The following RAI14 variants were observed in gnomAD, a reference collection of about 807,000 sequenced individuals.
The protein encoded by RAI14 is retinoic acid induced 14, also known as ankycorbin.
A neutral mutation model predicts 115.4 loss-of-function variants in RAI14; 45 were observed. The ratio of observed to expected loss-of-function variants is 0.39; its 90% confidence interval spans 0.31 to 0.50. RAI14 has a LOEUF of 0.50. RAI14 is among the 20% of genes least tolerant of loss of function. The probability of loss-of-function intolerance (pLI) is 0.85; values close to 1 mark genes in which losing one functional copy is unlikely to be tolerated. For synonymous variants in RAI14, 371 were observed against 415.4 expected (o/e 0.89, Z 1.30); for missense variants, 939 against 1,131.2 (o/e 0.83, Z 2.44).
chr5:34,771,371 A>ACGCC (rs1750138239), intron 3 of RAI14, among the ~76,000 whole-genome samples: 1 of 152,200 alleles, frequency 6.6e-6, no homozygotes. Flanking sequence ...ATGGTAACAG[A>ACGCC]CGCCCTGGTG....
intron 2 of RAI14, among the ~76,000 whole-genome samples, chr5:34,710,824 G>A (rs6451162): frequency 0.29 from 43,709 of 152,052 alleles, 7,310 homozygotes; most frequent in African/African-American, 0.48. Context: ...AGACTGTAAA[G>A]TTTCTGACAT....
chr5:34,822,275 A>ATATAT (rs1756937994), intron 14 of RAI14, among the ~76,000 whole-genome samples: 13 of 76,592 alleles, frequency 1.7e-4, no homozygotes, highest in South Asian at 1.3e-3. Flanking sequence ...TATATATATA[A>ATATAT]AATATTATCC....
chr5:34,686,086 A>G (rs10045769), intron 1 of RAI14, among the ~76,000 whole-genome samples: 5,904 of 152,262 alleles, frequency 0.039, 428 homozygotes, highest in African/African-American at 0.14. Context: ...ATAGGGAATG[A>G]GTGGCATCTG....
rs1757585640 is a variant in RAI14, at chr5:34,827,665, AC to A, written c.2799+1187del. Among the ~76,000 whole-genome samples, 1 of 152,190 alleles carries A rather than the reference AC, an allele frequency of 6.6e-6. No individual in the cohort carries two copies. ...GGATACTTAGGAGAAGCTGCTCTTT[AC>A]TGTGTTCTGCAGGTCATTCTTCTCC... On this transcript the variant is annotated intron_variant, in intron 16 of 17. Transcript: ENST00000265109. The surrounding 1 kb of genome is among the most constrained non-coding windows in gnomAD (Gnocchi z 4.2).
rs1491157133 is a variant in RAI14 at position 34,762,928 on chromosome 5, CAT to C, written c.167+5331_167+5332del. 2.6e-3 allele frequency among the ~76,000 whole-genome samples: 255 copies of C among 98,924 alleles called. 2 individuals are homozygous for C. Among genetic ancestry groups the C allele is most frequent in the African/African-American group, 6.3e-3 (167 of 26,404 alleles). 64.9% of individuals were successfully genotyped at this position (98,924 alleles called of 152,430 possible). ...TGTGTGTAGATATAAGGAGTGTGTG[CAT>C]GTGTGTGTGTGTGTGTGTGTGTGTG... On this transcript the variant is annotated intron_variant, in intron 3 of 17. Coordinates refer to ENST00000265109, the MANE Select transcript of RAI14 (RefSeq NM_015577.3).
intron 7 of RAI14, among the ~76,000 whole-genome samples, chr5:34,810,772 C>T (rs1341486345): frequency 6.6e-6 from 1 of 152,056 alleles, no homozygotes; most frequent in Non-Finnish European, 1.5e-5. Flanking sequence ...AGGGCATAAG[C>T]AGCCGCAAGA....
At chr5:34,772,700 G>A (rs1750327810) in intron 3 of RAI14, among the ~76,000 whole-genome samples, 1 of 152,092 alleles carries the variant, frequency 6.6e-6, no homozygotes, top group Non-Finnish European at 1.5e-5. Context: ...CAGCCTCCTG[G>A]CATGCTCCCT....
Position 34,824,285 on chromosome 5 carries a change from G to C in RAI14, c.2443G>C (p.Glu815Gln). 1 of 1,614,204 alleles carries C rather than the reference G, an allele frequency of 6.2e-7. No individual in the cohort carries two copies. Among genetic ancestry groups the C allele is most frequent in the Non-Finnish European group, 8.5e-7 (1 of 1,180,022 alleles). Residue 815 changes from glutamate to glutamine, a missense_variant, in exon 15 of 18, where the codon GAG becomes CAG. Physicochemically the swap from Glu to Gln is conservative, Grantham distance 29. Transcript: ENST00000265109. ...SKLKESVKEK[E>Q]KVHSEVVQIR... ...ATTAAAGGAATCTGTGAAAGAGAAAGAGAAGGTCCATTCAGAGGTTGTCCA... is the reference window on the plus strand; with the variant it reads ...ATTAAAGGAATCTGTGAAAGAGAAACAGAAGGTCCATTCAGAGGTTGTCCA...
intron 3 of RAI14, among the ~76,000 whole-genome samples, chr5:34,766,107 A>C (rs1053128120): frequency 6.4e-4 from 98 of 152,212 alleles, no homozygotes; most frequent in African/African-American, 2.3e-3. Context: ...GCCCAGGCAG[A>C]AGTTTGCTGC....
At chr5:34,669,222 C>T (rs747393272) in intron 1 of RAI14, among the ~76,000 whole-genome samples, 10 of 152,210 alleles carry the variant, frequency 6.6e-5, no homozygotes, top group Admixed American at 2.6e-4. Flanking sequence ...TTTCCTTTTG[C>T]AACTGCTTTT....
chr5:34,660,479 T>C (rs1742606298), intron 1 of RAI14, among the ~76,000 whole-genome samples: 1 of 152,080 alleles, frequency 6.6e-6, no homozygotes, highest in African/African-American at 2.4e-5. Context: ...CATTGTAAAA[T>C]TGAAGCATGA....
chr5:34,659,591 A>G (rs1262401139), intron 1 of RAI14, among the ~76,000 whole-genome samples: 1 of 151,712 alleles, frequency 6.6e-6, no homozygotes, highest in East Asian at 1.9e-4. Context: ...GCTGAGTGAC[A>G]CTCTATTTCC....
At chr5:34,776,740 G>A (rs1750885521) in intron 3 of RAI14, among the ~76,000 whole-genome samples, 1 of 144,210 alleles carries the variant, frequency 6.9e-6, no homozygotes, top group Admixed American at 7.3e-5. Flanking sequence ...CAGGGAGATT[G>A]AGGCTGTGGT....
chr5:34,802,693 A>G (rs778187009), intron 4 of RAI14, among the ~76,000 whole-genome samples: 2 of 152,182 alleles, frequency 1.3e-5, no homozygotes, highest in Non-Finnish European at 2.9e-5. Context: ...AATTAACTAT[A>G]TAAGTGTGTG....
intron 3 of RAI14, among the ~76,000 whole-genome samples, chr5:34,783,851 G>A (rs1259779082): frequency 1.3e-5 from 2 of 152,346 alleles, no homozygotes; most frequent in East Asian, 1.9e-4. Context: ...TTTAATAGAA[G>A]CTGGAATGCC....
chr5:34,679,085 G>A (rs762485518), intron 1 of RAI14, among the ~76,000 whole-genome samples: 2 of 152,102 alleles, frequency 1.3e-5, no homozygotes, highest in South Asian at 2.1e-4. Flanking sequence ...TCAGACACCC[G>A]TCCAACCTCT....
intron 2 of RAI14, among the ~76,000 whole-genome samples, chr5:34,704,991 C>T (rs1463244203): frequency 1.3e-5 from 2 of 152,096 alleles, no homozygotes; most frequent in Non-Finnish European, 2.9e-5. Flanking sequence ...ACAGGGTCTC[C>T]CTTTGTTGCC....
chr5:34,811,532 T>A (rs1755575185), intron 8 of RAI14, among the ~76,000 whole-genome samples: 1 of 152,050 alleles, frequency 6.6e-6, no homozygotes, highest in African/African-American at 2.4e-5. Context: ...GTATAGAAGA[T>A]TGTGTTGTTT....
intron 12 of RAI14, among the ~76,000 whole-genome samples, chr5:34,817,889 A>G (rs141124354): frequency 3.3e-5 from 5 of 152,224 alleles, no homozygotes; most frequent in Non-Finnish European, 5.9e-5. Context: ...TATCTTGACT[A>G]TAGTGTTGGT....
Sources: gnomAD v4.1 joint callset for allele counts (sites outside exome capture counted in the v4.1 genomes callset) on GRCh38, gnomAD v4.1.1 for gene constraint, Gnocchi (gnomAD v3.1) non-coding constraint, MANE v1.5 for transcripts, NCBI Gene and HGNC (gene_info 2026-07-23, HGNC 2026-07-21) for gene names.